AMBRA1: variants seen among roughly 807,000 people sequenced by gnomAD.
The protein encoded by AMBRA1 is activating molecule in BECN1-regulated autophagy protein 1.
In AMBRA1, 47 loss-of-function variants were observed where a neutral mutation model predicts 125.4. The observed-to-expected ratio is 0.37, with a 90% CI of 0.30 to 0.48. The LOEUF (loss-of-function observed/expected upper bound fraction) is 0.48. Among genes scored for constraint, AMBRA1 ranks in the 20% least tolerant of loss-of-function variants. The pLI is 0.99. For missense variants in AMBRA1, 1,331 were observed against 1,693.4 expected (o/e 0.79, Z 3.76); for synonymous variants, 626 against 655.5 (o/e 0.95, Z 0.69).
chr11:46,581,560 C>T (rs1286142225), intron 1 of AMBRA1, among the ~76,000 whole-genome samples: 6 of 151,868 alleles, frequency 4.0e-5, no homozygotes, highest in Admixed American at 2.0e-4. Flanking sequence ...AAGCCGAGAT[C>T]GCACCACTGC....
chr11:46,532,496 G>C (rs933247758), intron 7 of AMBRA1, among the ~76,000 whole-genome samples: 14 of 152,198 alleles, frequency 9.2e-5, no homozygotes, highest in African/African-American at 3.4e-4. Flanking sequence ...GAGTGCAGTG[G>C]TGCGATCTCA....
chr11:46,593,950 T>C lies in AMBRA1; in HGVS notation c.-243A>G. ...TACCGACCGGCAGGAGAAGGCGGCT[T>C]GAGCGCGGGGCCTCGCGGACAACTC... On this transcript the variant is annotated 5_prime_UTR_variant, in exon 1 of 18. Coordinates refer to ENST00000683756, the MANE Select transcript of AMBRA1 (RefSeq NM_001387011.1). 2.5e-6 allele frequency: 1 copy of C among 398,662 alleles called. No homozygotes were observed. Among genetic ancestry groups the C allele is most frequent in the Non-Finnish European group, 4.4e-6 (1 of 226,092 alleles). 24.7% of individuals were successfully genotyped at this position (398,662 alleles called of 1,614,324 possible).
At chr11:46,431,780 T>C (rs1487518838) in intron 14 of AMBRA1, among the ~76,000 whole-genome samples, 6 of 152,226 alleles carry the variant, frequency 3.9e-5, no homozygotes, top group African/African-American at 1.4e-4. Context: ...AAATGAAAAC[T>C]CAACTTCCAT....
Position 46,428,657 on chromosome 11 carries a change from T to C in AMBRA1, c.2976+4817A>G, listed in dbSNP as rs369827441. 2.5e-5 allele frequency: 40 copies of C among 1,597,266 alleles called. 1 individual carries two copies. In the East Asian group the frequency reaches 2.9e-4, roughly 12 times the overall value. ...GCAAAAGAATCCTCTCCAATTTTAC[T>C]GAGGTGGCTGACCACGTCCACGACC... On this transcript the variant is annotated intron_variant, in intron 14 of 17. Coordinates refer to ENST00000683756, the MANE Select transcript of AMBRA1 (RefSeq NM_001387011.1).
At chr11:46,456,637 G>A (rs1948856520) in intron 11 of AMBRA1, among the ~76,000 whole-genome samples, 1 of 152,202 alleles carries the variant, frequency 6.6e-6, no homozygotes, top group African/African-American at 2.4e-5. Flanking sequence ...GACTCCCGCA[G>A]CTTTTATTGT....
intron 1 of AMBRA1, among the ~76,000 whole-genome samples, chr11:46,548,841 A>C (rs1419504988): frequency 6.6e-6 from 1 of 152,142 alleles, no homozygotes; most frequent in East Asian, 1.9e-4. Flanking sequence ...AAATACAAAA[A>C]TTAGCCGGGT....
intron 9 of AMBRA1, among the ~76,000 whole-genome samples, chr11:46,501,774 A>C (rs1310008620): frequency 3.9e-5 from 6 of 152,210 alleles, no homozygotes; most frequent in Admixed American, 3.3e-4. Flanking sequence ...GTTTAATATA[A>C]GAAGTGTTTT....
Position 46,408,503 on chromosome 11 carries a change from T to C in AMBRA1, c.3403+10A>G, listed in dbSNP as rs1211314936. ...CTCTCCCACCCCCTCCAGCGCCACA[T>C]GGCTCCTACCTTCACCAGGACCTGA... On this transcript the variant is annotated intron_variant, in intron 17 of 17. Coordinates refer to ENST00000683756, the MANE Select transcript of AMBRA1 (RefSeq NM_001387011.1). 7.2e-6 allele frequency: 11 copies of C among 1,521,816 alleles called. No individual in the cohort carries two copies. Among genetic ancestry groups the C allele is most frequent in the Non-Finnish European group, 8.9e-6 (10 of 1,129,356 alleles). The allele number at this position is 1,521,816 out of a possible 1,614,324, so 94.3% of individuals were successfully genotyped here.
At chr11:46,546,512 G>C (rs1953026468) in intron 4 of AMBRA1, among the ~76,000 whole-genome samples, 1 of 151,804 alleles carries the variant, frequency 6.6e-6, no homozygotes, top group South Asian at 2.1e-4. Flanking sequence ...AATCCAACCT[G>C]AACATATCTT....
intron 11 of AMBRA1, among the ~76,000 whole-genome samples, chr11:46,490,771 C>T (rs1000045631): frequency 2.6e-5 from 4 of 152,154 alleles, no homozygotes; most frequent in Admixed American, 2.6e-4. Flanking sequence ...CTTGGAGCTA[C>T]AGGAAGGCAG....
In AMBRA1 at chr11:46,397,813, G is replaced by A. The variant is rs760754455; in HGVS notation, c.3534C>T (p.Phe1178=). The change falls in exon 18 of 18, where the codon TTC becomes TTT. Residue 1178 remains phenylalanine (F), a synonymous_variant. Coordinates refer to ENST00000683756, the MANE Select transcript of AMBRA1 (RefSeq NM_001387011.1). ...GGTGGCTGACGATGATGTTGTTGCCGAAGCCGCCCATGGAGGCCATGGTGG... is the reference window on the plus strand; with the variant it reads ...GGTGGCTGACGATGATGTTGTTGCCAAAGCCGCCCATGGAGGCCATGGTGG... ...QSTTMASMGG[F]GNNIIVSHRI... 8.0e-5 allele frequency: 129 copies of A among 1,606,872 alleles called. No individual in the cohort carries two copies. The highest frequency in any genetic ancestry group is 1.6e-4 in the Middle Eastern group (1 of 6,062).
chr11:46,543,888 T>A lies in AMBRA1; in HGVS notation c.618+87A>T, dbSNP rs1952872555. The A allele has an allele frequency of 2.7e-6, 3 of 1,129,274 alleles. No homozygotes were observed. In the South Asian group the frequency reaches 4.0e-5, roughly 15 times the overall value. The allele number at this position is 1,129,274 out of a possible 1,614,324, so 70.0% of individuals were successfully genotyped here. ...AAAGATAAGACTTGGGTATTGAGAA[T>A]TAAAATCCAATATAATCAGAATTGG... On this transcript the variant is annotated intron_variant, in intron 6 of 17. Coordinates refer to ENST00000683756, the MANE Select transcript of AMBRA1 (RefSeq NM_001387011.1).
intron 14 of AMBRA1, among the ~76,000 whole-genome samples, chr11:46,423,388 T>A (rs867180862): frequency 1.3e-5 from 2 of 152,022 alleles, no homozygotes; most frequent in African/African-American, 4.8e-5. Flanking sequence ...TAATTTTTAT[T>A]ATTTTATTTT....
At position 46,508,234 on chromosome 11, in the gene AMBRA1, C is replaced by G. The variant is rs1446501184; in HGVS notation, c.2296G>C (p.Gly766Arg). 5 of 1,613,988 alleles carry G rather than the reference C, an allele frequency of 3.1e-6. No homozygotes were observed. The Admixed American group carries it at 5.0e-5, about 16-fold the overall frequency. ...STSSSSSDNQ[G>R]PSVEGTDLEF... ...AAGTCGGTTCCCTCTACTGATGGACCCTGGTTGTCTGAGGAAGAGGAGGAG... is the reference window on the plus strand; with the variant it reads ...AAGTCGGTTCCCTCTACTGATGGACGCTGGTTGTCTGAGGAAGAGGAGGAG... The change falls in exon 9 of 18, where the codon GGT (glycine) becomes CGT (arginine). Residue 766 changes from glycine to arginine, a missense_variant. This residue lies in a region of AMBRA1 where 689 missense variants were observed against 776.5 expected (regional missense o/e 0.89). Coordinates refer to ENST00000683756, the MANE Select transcript of AMBRA1 (RefSeq NM_001387011.1).
intron 11 of AMBRA1, among the ~76,000 whole-genome samples, chr11:46,479,988 T>C (rs1235489420): frequency 1.3e-5 from 2 of 152,172 alleles, no homozygotes; most frequent in African/African-American, 4.8e-5. Context: ...TCCTTGTCCA[T>C]TTCGGTTGCT....
intron 1 of AMBRA1, among the ~76,000 whole-genome samples, chr11:46,556,749 T>C (rs1229383087): frequency 6.6e-6 from 1 of 152,182 alleles, no homozygotes; most frequent in Non-Finnish European, 1.5e-5. Flanking sequence ...AGTATGTATA[T>C]CACAGGGCTA....
intron 11 of AMBRA1, among the ~76,000 whole-genome samples, chr11:46,453,873 G>T (rs1352391914): frequency 6.6e-6 from 1 of 152,102 alleles, no homozygotes; most frequent in African/African-American, 2.4e-5. Flanking sequence ...AAACAAGTTT[G>T]CAATATATTT....
intron 9 of AMBRA1, among the ~76,000 whole-genome samples, chr11:46,501,824 A>G (rs2135010254): frequency 6.6e-6 from 1 of 152,344 alleles, no homozygotes; most frequent in Non-Finnish European, 1.5e-5. Context: ...GTAGCCAGAA[A>G]TATGTCACAG....
Position 46,542,961 on chromosome 11 carries a change from C to G in AMBRA1, c.1056G>C (p.Pro352=). The part of the protein sequence containing the change: ...SFVQTEPFHP[P]EQASSTQQDQ... ...CCTGCTGCGTTGACGAGGCCTGCTC[C>G]GGGGGATGGAAGGGCTCGGTCTGTA... Residue 352 remains proline, a synonymous_variant, in exon 7 of 18, where the codon CCG becomes CCC. Transcript: ENST00000683756. The surrounding 1 kb of genome is among the most constrained non-coding windows in gnomAD (Gnocchi z 5.9). 2 of 1,606,124 alleles carry G rather than the reference C, an allele frequency of 1.2e-6. No individual in the cohort carries two copies. Among genetic ancestry groups the G allele is most frequent in the Non-Finnish European group, 1.7e-6 (2 of 1,179,960 alleles).
Sources: gnomAD v4.1 joint callset for allele counts (sites outside exome capture counted in the v4.1 genomes callset) on GRCh38, gnomAD v4.1.1 for gene constraint, gnomAD v4.1.1 regional missense constraint, Gnocchi (gnomAD v3.1) non-coding constraint, MANE v1.5 for transcripts, NCBI Gene and HGNC (gene_info 2026-07-23, HGNC 2026-07-21) for gene names.